Variants in TIMP2 observed in about 807,000 individuals in gnomAD.
TIMP2 encodes the protein metalloproteinase inhibitor 2.
TIMP2 carries 5 observed loss-of-function variants against 24.3 expected under a neutral mutation model. The ratio of observed to expected loss-of-function variants is 0.21; its 90% CI spans 0.11 to 0.43. TIMP2 has a LOEUF of 0.43. TIMP2 is among the 20% of genes least tolerant of loss of function. The pLI, the probability that TIMP2 is intolerant of heterozygous loss-of-function variation, is 1.00. For missense variants in TIMP2, 221 were observed against 297.5 expected (o/e 0.74, Z 1.89); for synonymous variants, 130 against 123.2 (o/e 1.06, Z -0.37).
intron 1 of TIMP2, among the ~76,000 whole-genome samples, chr17:78,918,081 C>G (rs1449244931): frequency 6.6e-6 from 1 of 151,720 alleles, no homozygotes; most frequent in Non-Finnish European, 1.5e-5. Flanking sequence ...CACACACACA[C>G]ACACACACAC....
chr17:78,885,071 G>A (rs766520049), intron 1 of TIMP2, among the ~76,000 whole-genome samples: 7 of 152,204 alleles, frequency 4.6e-5, no homozygotes, highest in Non-Finnish European at 8.8e-5. Flanking sequence ...AGCTGACCTC[G>A]GCAGAAAGCA....
At chr17:78,883,756 T>C (rs1235557337) in intron 1 of TIMP2, among the ~76,000 whole-genome samples, 8 of 152,154 alleles carry the variant, frequency 5.3e-5, no homozygotes, top group African/African-American at 1.9e-4. Context: ...ACAGCATCTA[T>C]CAGAGCACCT....
intron 1 of TIMP2, among the ~76,000 whole-genome samples, chr17:78,883,664 G>T (rs1455453421): frequency 1.3e-5 from 2 of 152,136 alleles, no homozygotes; most frequent in Admixed American, 1.3e-4. Context: ...CACGTGAGCT[G>T]CTGGCCACTG....
chr17:78,887,861 T>C (rs906902467), intron 1 of TIMP2, among the ~76,000 whole-genome samples: 1 of 151,704 alleles, frequency 6.6e-6, no homozygotes, highest in African/African-American at 2.4e-5. Context: ...ATCAGAGATA[T>C]AGTCCTCTTT....
chr17:78,919,442 C>T (rs1208751947), intron 1 of TIMP2, among the ~76,000 whole-genome samples: 7 of 152,196 alleles, frequency 4.6e-5, no homozygotes, highest in Non-Finnish European at 7.3e-5. Context: ...ACCCTGCTGC[C>T]GCTAAATGAC....
At chr17:78,871,036 C>T (rs2069678575) in intron 2 of TIMP2, 30 bp from the exon 3 acceptor site, 2 of 1,579,284 alleles carry the variant, frequency 1.3e-6, no homozygotes, top group African/African-American at 1.3e-5. Flanking sequence ...GACATGTAAG[C>T]AGAGGGAGGC....
At chr17:78,915,406 T>C (rs576087151) in intron 1 of TIMP2, among the ~76,000 whole-genome samples, 7 of 152,266 alleles carry the variant, frequency 4.6e-5, no homozygotes, top group East Asian at 1.9e-4. Context: ...CCGTCACCTG[T>C]AGAGCTTCAG....
intron 1 of TIMP2, among the ~76,000 whole-genome samples, chr17:78,914,637 A>G (rs1051622275): frequency 6.6e-5 from 10 of 151,718 alleles, no homozygotes; most frequent in Admixed American, 2.0e-4. Context: ...CCAGGCTGGT[A>G]CAACCATAGC....
At position 78,855,286 on chromosome 17, in the gene TIMP2, T is replaced by C. The variant is rs2069516150; in HGVS notation, c.*381A>G. On this transcript the variant is annotated 3_prime_UTR_variant, in exon 5 of 5. Transcript: ENST00000262768. This position sits in a 1 kb window ranked among gnomAD's most constrained non-coding sequence, Gnocchi z 6.0. ...AGTCTTGCAACGACCCTCAAAAGTT[T>C]CTGCAAAATGCACATTTCCAGGCCC... The C allele has an allele frequency of 3.4e-6, 1 of 295,242 alleles. No homozygotes were observed. The highest frequency in any genetic ancestry group is 6.6e-6 in the Non-Finnish European group (1 of 151,316). 18.3% of individuals were successfully genotyped at this position (295,242 alleles called of 1,614,324 possible).
At position 78,857,548 on chromosome 17, in the gene TIMP2, T is replaced by G; in HGVS notation, c.439A>C (p.Arg147=). Residue 147 remains arginine (R), a synonymous_variant, in exon 4 of 5, where the codon AGG becomes CGG. Coordinates refer to ENST00000262768, the MANE Select transcript of TIMP2 (RefSeq NM_003255.5). The part of the protein sequence containing the change: ...STTQKKSLNH[R]YQMGCECKIT... ...TTGCACTCGCAGCCCATCTGGTACC[T>G]GTGGTTCAGGCTCTTCTTCTGGGTG... The G allele has an allele frequency of 6.2e-7, 1 of 1,614,102 alleles. No individual in the cohort carries two copies.
Position 78,924,996 on chromosome 17 carries a change from C to T in TIMP2, c.93G>A (p.Pro31=). 1.6e-6 allele frequency: 2 copies of T among 1,250,264 alleles called. No individual in the cohort carries two copies. The highest frequency in any genetic ancestry group is 2.0e-6 in the Non-Finnish European group (2 of 982,340). 77.4% of individuals were successfully genotyped at this position (1,250,264 alleles called of 1,614,324 possible). A position where few individuals can be genotyped will look rare whatever the true frequency, so the allele number is the denominator to read the frequency against. ...TGCAAAACGCCTGTTGCGGGTGCAC[C>T]GGGGAGCAGCTGCAGGCGTCGGCCG... The part of the protein sequence containing the change: ...LRPADACSCS[P]VHPQQAFCNA... The change falls in exon 1 of 5, where the codon CCG becomes CCA. Residue 31 remains proline (P), a synonymous_variant. Coordinates refer to ENST00000262768, the MANE Select transcript of TIMP2 (RefSeq NM_003255.5). This position sits in a 1 kb window ranked among gnomAD's most constrained non-coding sequence, Gnocchi z 5.3.
intron 1 of TIMP2, among the ~76,000 whole-genome samples, chr17:78,914,899 T>C (rs2070243142): frequency 1.0e-5 from 1 of 98,552 alleles, no homozygotes; most frequent in African/African-American, 4.5e-5. Flanking sequence ...TCTGGGCTTT[T>C]TCTTTTTTTT....
At chr17:78,913,891 C>G (rs1029984620) in intron 1 of TIMP2, among the ~76,000 whole-genome samples, 1 of 93,676 alleles carries the variant, frequency 1.1e-5, no homozygotes, top group African/African-American at 4.2e-5. Context: ...AACTCTGTCT[C>G]GGGGAAAAAA....
intron 1 of TIMP2, among the ~76,000 whole-genome samples, chr17:78,915,422 C>A (rs1390631370): frequency 6.6e-6 from 1 of 152,196 alleles, no homozygotes; most frequent in Non-Finnish European, 1.5e-5. Context: ...TTCAGCCCAG[C>A]TCCACAGCCT....
At chr17:78,862,634 C>T (rs550297261) in intron 3 of TIMP2, among the ~76,000 whole-genome samples, 2 of 152,366 alleles carry the variant, frequency 1.3e-5, no homozygotes, top group Admixed American at 6.5e-5. Context: ...TGAGGTTTGG[C>T]ATATGAACGG....
chr17:78,895,383 C>A (rs74949888), intron 1 of TIMP2, among the ~76,000 whole-genome samples: 1 of 152,204 alleles, frequency 6.6e-6, no homozygotes, highest in Non-Finnish European at 1.5e-5. Flanking sequence ...ACATGTTCAA[C>A]GGCAGCGGTC....
intron 1 of TIMP2, among the ~76,000 whole-genome samples, chr17:78,890,174 G>T (rs929813323): frequency 6.6e-6 from 1 of 150,852 alleles, no homozygotes; most frequent in Non-Finnish European, 1.5e-5. Flanking sequence ...GAGGGAATGT[G>T]CCCTGGAGGA....
chr17:78,868,056 C>A (rs143001780), intron 3 of TIMP2, among the ~76,000 whole-genome samples: 1 of 152,158 alleles, frequency 6.6e-6, no homozygotes, highest in Non-Finnish European at 1.5e-5. Flanking sequence ...GTCTCTAACA[C>A]GGGGCTGGGC....
chr17:78,856,040 T>C (rs929842431), intron 4 of TIMP2, 176 bp from the exon 5 acceptor site: 1 of 652,726 alleles, frequency 1.5e-6, no homozygotes, highest in Non-Finnish European at 2.7e-6. Flanking sequence ...TGCGAGGGGG[T>C]CTAACCTGCA....
Sources: gnomAD v4.1 joint callset for allele counts (sites outside exome capture counted in the v4.1 genomes callset) on GRCh38, gnomAD v4.1.1 for gene constraint, Gnocchi (gnomAD v3.1) non-coding constraint, MANE v1.5 for transcripts, NCBI Gene and HGNC (gene_info 2026-07-23, HGNC 2026-07-21) for gene names.